The following SORCS3 variants were observed in gnomAD, a reference collection of about 807,000 sequenced individuals.
The protein encoded by SORCS3 is VPS10 domain-containing receptor SorCS3.
In SORCS3, 57 loss-of-function variants were observed where a neutral mutation model predicts 146.3. The ratio of observed to expected loss-of-function variants is 0.39; its 90% CI spans 0.31 to 0.49. SORCS3 has a LOEUF of 0.49. Ranked by LOEUF, SORCS3 falls within the 20% of genes least tolerant of loss-of-function variation. SORCS3 has a pLI of 0.92. For synonymous variants in SORCS3, 653 were observed against 618.5 expected, an observed-to-expected ratio of 1.06 and a Z score of -0.83; for missense variants, 1,341 against 1,575.5, an observed-to-expected ratio of 0.85 and a Z score of 2.52.
intron 5 of SORCS3, among the ~76,000 whole-genome samples, chr10:105,057,462 C>T (rs2055453266): frequency 6.6e-6 from 1 of 152,060 alleles, no homozygotes; most frequent in Non-Finnish European, 1.5e-5. Context: ...ATAGCGTAGA[C>T]ACTGCTTGAA....
intron 3 of SORCS3, among the ~76,000 whole-genome samples, chr10:104,917,463 AT>A (rs2019043534): frequency 6.6e-6 from 1 of 152,236 alleles, no homozygotes; most frequent in South Asian, 2.1e-4. Context: ...TAATTAACAA[AT>A]GCAGTAACTC....
intron 1 of SORCS3, among the ~76,000 whole-genome samples, chr10:104,727,050 A>G (rs1467249186): frequency 3.3e-5 from 5 of 152,118 alleles, no homozygotes; most frequent in Non-Finnish European, 7.3e-5. Context: ...TGCCATAAGT[A>G]TTTGTGTTCA....
At position 104,694,032 on chromosome 10, in the gene SORCS3, A is replaced by G. The variant is rs535970915; in HGVS notation, c.627+52078A>G. On this transcript the variant is annotated intron_variant, in intron 1 of 26. Coordinates refer to ENST00000369701, the MANE Select transcript of SORCS3 (RefSeq NM_014978.3). Reference sequence around the variant, plus strand: ...TACAGGTTTCTACGCAGGACACTTGATAGCTGAAATCATTACAGAAAAACA... The same window carrying G: ...TACAGGTTTCTACGCAGGACACTTGGTAGCTGAAATCATTACAGAAAAACA... 1.8e-3 allele frequency among the ~76,000 whole-genome samples: 267 copies of G among 152,082 alleles called. 2 individuals carry two copies. The highest frequency in any genetic ancestry group is 3.1e-3 in the Non-Finnish European group (213 of 68,004).
intron 8 of SORCS3, 123 bp downstream of exon 8, chr10:105,139,609 TC>T: frequency 2.8e-6 from 2 of 702,736 alleles, no homozygotes; most frequent in Non-Finnish European, 5.0e-6. Context: ...TTAGACTCAC[TC>T]ACCACCAAGT....
At chr10:104,921,991 A>C (rs536810232) in intron 3 of SORCS3, among the ~76,000 whole-genome samples, 10 of 152,306 alleles carry the variant, frequency 6.6e-5, no homozygotes, top group African/African-American at 2.2e-4. Flanking sequence ...TACCCTGCAG[A>C]AATATAGTGG....
At chr10:104,706,332 G>T (rs1453514305) in intron 1 of SORCS3, among the ~76,000 whole-genome samples, 2 of 147,638 alleles carry the variant, frequency 1.4e-5, no homozygotes, top group Non-Finnish European at 3.0e-5. Flanking sequence ...CTCAGCCTCC[G>T]GAGTAGCTGG....
chr10:104,767,981 T>C (rs902252000), intron 1 of SORCS3, among the ~76,000 whole-genome samples: 3 of 152,042 alleles, frequency 2.0e-5, no homozygotes, highest in African/African-American at 7.2e-5. Context: ...TACTAAGGGA[T>C]CTAGAACCCA....
chr10:104,762,079 G>A (rs920140970), intron 1 of SORCS3, among the ~76,000 whole-genome samples: 5 of 152,148 alleles, frequency 3.3e-5, no homozygotes, highest in African/African-American at 1.2e-4. Context: ...TCCCACCTCT[G>A]AACATGAACT....
chr10:104,955,630 T>G (rs1398769841), intron 3 of SORCS3, among the ~76,000 whole-genome samples: 1 of 152,232 alleles, frequency 6.6e-6, no homozygotes, highest in Non-Finnish European at 1.5e-5. Flanking sequence ...AGAACAGGCT[T>G]GGCTCCATAA....
At chr10:104,833,537 G>A (rs1479851249) in intron 1 of SORCS3, among the ~76,000 whole-genome samples, 1 of 152,128 alleles carries the variant, frequency 6.6e-6, no homozygotes, top group Admixed American at 6.5e-5. Flanking sequence ...TCCATCTGAT[G>A]CTTGAAAGTC....
chr10:104,764,419 C>T (rs544719772), intron 1 of SORCS3, among the ~76,000 whole-genome samples: 2 of 151,796 alleles, frequency 1.3e-5, no homozygotes, highest in East Asian at 3.9e-4. Context: ...CTAGCTGATG[C>T]AATAAAATAA....
chr10:105,172,021 G>C (rs948715996), intron 13 of SORCS3, among the ~76,000 whole-genome samples: 1 of 152,144 alleles, frequency 6.6e-6, no homozygotes, highest in African/African-American at 2.4e-5. Context: ...TTCCCATCTT[G>C]TATAATGGCT....
chr10:104,869,149 A>ATT (rs1475521276), intron 2 of SORCS3, among the ~76,000 whole-genome samples: 9 of 151,948 alleles, frequency 5.9e-5, no homozygotes, highest in Non-Finnish European at 1.2e-4. Flanking sequence ...GTATGTGTGA[A>ATT]ATATAATATA....
chr10:105,111,355 G>A (rs1404090494), intron 7 of SORCS3, among the ~76,000 whole-genome samples: 1 of 152,192 alleles, frequency 6.6e-6, no homozygotes, highest in Non-Finnish European at 1.5e-5. Context: ...GAATAGGACT[G>A]TGTGTTATTC....
chr10:104,650,889 C>T (rs578017860), intron 1 of SORCS3, among the ~76,000 whole-genome samples: 1 of 152,300 alleles, frequency 6.6e-6, no homozygotes, highest in South Asian at 2.1e-4. Context: ...TAGGCAGTTT[C>T]TCATTCAGAT....
intron 25 of SORCS3, among the ~76,000 whole-genome samples, chr10:105,258,232 A>G (rs2056942096): frequency 6.6e-6 from 1 of 152,230 alleles, no homozygotes; most frequent in Admixed American, 6.5e-5. Context: ...GTAGACCAGT[A>G]TGTGAGTTCA....
chr10:104,752,969 A>C (rs12761679), intron 1 of SORCS3, among the ~76,000 whole-genome samples: 104,182 of 142,468 alleles, frequency 0.73, 36,430 homozygotes, highest in East Asian at 0.92. Context: ...AACCAACCAA[A>C]CAAACAAACA....
intron 1 of SORCS3, among the ~76,000 whole-genome samples, chr10:104,730,292 C>T (rs1270806225): frequency 6.6e-6 from 1 of 150,752 alleles, no homozygotes; most frequent in African/African-American, 2.5e-5. Context: ...AACTGAGGCT[C>T]AAGGAATATG....
chr10:104,921,481 A>G (rs1473806475), intron 3 of SORCS3, among the ~76,000 whole-genome samples: 1 of 147,952 alleles, frequency 6.8e-6, no homozygotes, highest in Non-Finnish European at 1.5e-5. Context: ...AGTTAGAGGT[A>G]CATGTCTCTC....
Sources: gnomAD v4.1 joint callset for allele counts (sites outside exome capture counted in the v4.1 genomes callset) on GRCh38, gnomAD v4.1.1 for gene constraint, MANE v1.5 for transcripts, NCBI Gene and HGNC (gene_info 2026-07-23, HGNC 2026-07-21) for gene names.